The following FAM83B variants were observed in gnomAD, a reference collection of about 807,000 sequenced individuals.
The protein encoded by FAM83B is scaffolding CK1 anchoring protein B, also known as protein FAM83B.
Under a neutral mutation model 38.8 loss-of-function variants are expected in FAM83B, and 26 were observed. That is an observed-to-expected ratio of 0.67 (90% CI 0.49 to 0.93). FAM83B has a LOEUF of 0.93. Among genes scored for constraint, FAM83B ranks in the 40% least tolerant of loss-of-function variants. The pLI is 0.00. For missense variants in FAM83B, 1,237 were observed against 1,197.3 expected (o/e 1.03, Z -0.49); for synonymous variants, 419 against 423.1 (o/e 0.99, Z 0.12).
At chr6:54,876,805 A>G (rs562639462) in intron 2 of FAM83B, among the ~76,000 whole-genome samples, 4 of 152,222 alleles carry the variant, frequency 2.6e-5, no homozygotes, top group African/African-American at 7.2e-5. Context: ...GCTTTGAGGT[A>G]GTGTTACTGA....
At chr6:54,939,625 T>A in intron 4 of FAM83B, 81 bp from the exon 5 acceptor site, 1 of 1,306,804 alleles carries the variant, frequency 7.7e-7, no homozygotes, top group Non-Finnish European at 1.0e-6. Flanking sequence ...AACATAGTCA[T>A]TAAGTGATAC....
At position 54,939,779 on chromosome 6, in the gene FAM83B, G is replaced by A. The variant is rs750659893; in HGVS notation, c.808G>A (p.Asp270Asn). 6 of 1,613,722 alleles carry A rather than the reference G, an allele frequency of 3.7e-6. No individual in the cohort carries two copies. In the Admixed American group the frequency reaches 1.0e-4, roughly 27 times the overall value. Reference sequence around the variant, plus strand: ...TACAGGACAACTTGTTGAGTCCTTTGATGAAGAATTTAGAACTCTCTATGC... The same window carrying A: ...TACAGGACAACTTGTTGAGTCCTTTAATGAAGAATTTAGAACTCTCTATGC... ...IITGQLVESF[D>N]EEFRTLYARS... The change falls in exon 5 of 5, where the codon GAT becomes AAT. Residue 270 changes from aspartate (D) to asparagine (N), a missense_variant. By Grantham distance (23) the Asp-to-Asn change is conservative. Coordinates refer to ENST00000306858, the MANE Select transcript of FAM83B (RefSeq NM_001010872.3).
chr6:54,901,389 CTT>C (rs1772657079), intron 2 of FAM83B, among the ~76,000 whole-genome samples: 1 of 151,922 alleles, frequency 6.6e-6, no homozygotes. Context: ...TTATTATCCT[CTT>C]GAGCAAATGT....
intron 2 of FAM83B, among the ~76,000 whole-genome samples, chr6:54,872,748 G>A (rs1187928417): frequency 6.6e-6 from 1 of 152,134 alleles, no homozygotes; most frequent in East Asian, 1.9e-4. Context: ...ACTGTCCGTT[G>A]AGGACTCCCA....
At chr6:54,921,109 G>A (rs994720798) in intron 2 of FAM83B, among the ~76,000 whole-genome samples, 2 of 151,626 alleles carry the variant, frequency 1.3e-5, no homozygotes, top group South Asian at 4.2e-4. Flanking sequence ...TTTCACCTTG[G>A]ATGGCTAAAA....
chr6:54,933,311 T>G (rs1322428342), intron 4 of FAM83B, among the ~76,000 whole-genome samples: 1 of 152,120 alleles, frequency 6.6e-6, no homozygotes, highest in Non-Finnish European at 1.5e-5. Flanking sequence ...ATTTTATAGT[T>G]TATCTTTGTT....
chr6:54,870,391 C>A lies in FAM83B; in HGVS notation c.145C>A (p.Gln49Lys). The A allele has an allele frequency of 6.2e-7, 1 of 1,613,940 alleles. No individual in the cohort carries two copies. Among genetic ancestry groups the A allele is most frequent in the Non-Finnish European group, 8.5e-7 (1 of 1,179,942 alleles). ...GLEAYQEFLV[Q>K]ERVSDFLAEE... ...AGAAGCATACCAAGAATTTCTTGTCCAGGAACGAGTTTCAGACTTTCTTGC... is the reference window on the plus strand; with the variant it reads ...AGAAGCATACCAAGAATTTCTTGTCAAGGAACGAGTTTCAGACTTTCTTGC... The change falls in exon 2 of 5, where the codon CAG (glutamine) becomes AAG (lysine). Residue 49 changes from glutamine to lysine, a missense_variant. Physicochemically the swap from Gln to Lys is moderately conservative, Grantham distance 53. Coordinates refer to ENST00000306858, the MANE Select transcript of FAM83B (RefSeq NM_001010872.3).
At chr6:54,880,147 T>G (rs756806384) in intron 2 of FAM83B, among the ~76,000 whole-genome samples, 2 of 152,160 alleles carry the variant, frequency 1.3e-5, no homozygotes, top group African/African-American at 2.4e-5. Flanking sequence ...TTCATACAGA[T>G]GGGGGGAAAA....
intron 4 of FAM83B, among the ~76,000 whole-genome samples, chr6:54,933,703 C>G (rs1381147734): frequency 6.6e-6 from 1 of 152,102 alleles, no homozygotes; most frequent in East Asian, 1.9e-4. Flanking sequence ...TTTCTGACCT[C>G]TCGTTCCTTT....
intron 2 of FAM83B, among the ~76,000 whole-genome samples, chr6:54,876,291 ATATATATATATATATATATATAT>A (rs1771992936): frequency 2.3e-5 from 1 of 43,024 alleles, no homozygotes; most frequent in Non-Finnish European, 5.0e-5. Flanking sequence ...ATATATATAT[ATATATATATATATATATATATAT>A]ATATATGTTT....
chr6:54,858,342 C>A (rs893518114), intron 1 of FAM83B, among the ~76,000 whole-genome samples: 4 of 152,048 alleles, frequency 2.6e-5, no homozygotes, highest in Non-Finnish European at 5.9e-5. Flanking sequence ...GTAAGTTTTG[C>A]CTACCTTTAG....
intron 1 of FAM83B, among the ~76,000 whole-genome samples, chr6:54,848,643 A>G (rs1771196670): frequency 6.6e-6 from 1 of 152,138 alleles, no homozygotes; most frequent in African/African-American, 2.4e-5. Flanking sequence ...AGGTTCATTC[A>G]CTGAGTATTT....
chr6:54,897,924 C>T (rs899887838), intron 2 of FAM83B, among the ~76,000 whole-genome samples: 2 of 151,710 alleles, frequency 1.3e-5, no homozygotes, highest in African/African-American at 4.8e-5. Flanking sequence ...AGAAAATACC[C>T]GAATGAATAA....
chr6:54,846,677 C>G (rs1771140913), upstream of FAM83B: 1 of 152,194 alleles, frequency 6.6e-6, no homozygotes, highest in African/African-American at 2.4e-5. Context: ...GCGGTTCGAG[C>G]CGGAATCAGC....
rs778084484 is a variant in FAM83B at position 54,941,027 on chromosome 6, A to G, written c.2056A>G (p.Ser686Gly). Reference protein sequence around the residue: ...DPGNSKHYVYSTLTRNRVRQP... With the variant: ...DPGNSKHYVYGTLTRNRVRQP... ...TGGAAATAGTAAGCATTATGTATATAGTACACTTACCAGGAATCGAGTTAG... is the reference window on the plus strand; with the variant it reads ...TGGAAATAGTAAGCATTATGTATATGGTACACTTACCAGGAATCGAGTTAG... The change falls in exon 5 of 5, where the codon AGT becomes GGT. Residue 686 changes from serine to glycine, a missense_variant. By Grantham distance (56) the Ser-to-Gly change is moderately conservative. Coordinates refer to ENST00000306858, the MANE Select transcript of FAM83B (RefSeq NM_001010872.3). 1.2e-6 allele frequency: 2 copies of G among 1,613,906 alleles called. No individual in the cohort carries two copies. The highest frequency in any genetic ancestry group is 1.7e-4 in the Middle Eastern group (1 of 6,058).
At position 54,870,164 on chromosome 6, in the gene FAM83B, A is replaced by T. The variant is rs1771810528; in HGVS notation, c.-60-23A>T. 3.8e-5 allele frequency: 40 copies of T among 1,061,724 alleles called. 1 individual carries two copies. In the South Asian group the frequency reaches 5.9e-4, roughly 16 times the overall value. The allele number at this position is 1,061,724 out of a possible 1,614,324, so 65.8% of individuals were successfully genotyped here. The stretch of plus-strand genomic sequence containing the variant: ...GTTACCGAATTTTAACTTGATCTTG[A>T]TTTTCTTCTTTTCAAATACCAGATA... On this transcript the variant is annotated intron_variant, in intron 1 of 4. Coordinates refer to ENST00000306858, the MANE Select transcript of FAM83B (RefSeq NM_001010872.3).
In FAM83B at chr6:54,923,772, C is replaced by T. The variant is rs1773222621; in HGVS notation, c.445-2599C>T. ...ACTGCCATGCTGTCTCCCCCAGCAG[C>T]ATCTGCACCTTTATACTTAGCCCTC... On this transcript the variant is annotated intron_variant, in intron 2 of 4. Coordinates refer to ENST00000306858, the MANE Select transcript of FAM83B (RefSeq NM_001010872.3). Among the ~76,000 whole-genome samples the T allele has an allele frequency of 3.3e-5, 5 of 152,048 alleles. No homozygotes were observed. In the South Asian group the frequency reaches 1.0e-3, roughly 32 times the overall value.
At chr6:54,898,720 A>G (rs73742863) in intron 2 of FAM83B, among the ~76,000 whole-genome samples, 3,325 of 152,078 alleles carry the variant, frequency 0.022, 36 homozygotes, top group South Asian at 0.048. Context: ...CCTTTCCCTA[A>G]CCTCATCCAA....
chr6:54,887,300 G>T (rs1258536790), intron 2 of FAM83B, among the ~76,000 whole-genome samples: 3 of 152,132 alleles, frequency 2.0e-5, no homozygotes, highest in Non-Finnish European at 4.4e-5. Context: ...TTCTTGGGAT[G>T]CAAAACTCAC....
Sources: gnomAD v4.1 joint callset for allele counts (sites outside exome capture counted in the v4.1 genomes callset) on GRCh38, gnomAD v4.1.1 for gene constraint, MANE v1.5 for transcripts, NCBI Gene and HGNC (gene_info 2026-07-23, HGNC 2026-07-21) for gene names.